PLXDC2: variants seen among roughly 807,000 people sequenced by gnomAD.
PLXDC2 encodes the protein plexin domain-containing protein 2.
PLXDC2 carries 40 observed loss-of-function variants against 68.9 expected under a neutral mutation model. The observed-to-expected ratio is 0.58, with a 90% CI of 0.45 to 0.76. The LOEUF (loss-of-function observed/expected upper bound fraction) is 0.76. Ranked by LOEUF, PLXDC2 falls within the 30% of genes least tolerant of loss-of-function variation. The pLI is 0.00. For synonymous variants in PLXDC2, 243 were observed against 234.2 expected (o/e 1.04, Z -0.34); for missense variants, 644 against 661.9 (o/e 0.97, Z 0.30).
In PLXDC2 at chr10:20,001,557, G is replaced by A. The variant is rs76137660; in HGVS notation, c.113-218G>A. Among the ~76,000 whole-genome samples, 21 of 152,214 alleles carry A rather than the reference G, an allele frequency of 1.4e-4. No homozygotes were observed. In the East Asian group the frequency reaches 3.1e-3, roughly 22 times the overall value. On this transcript the variant is annotated intron_variant, in intron 1 of 13. Coordinates refer to ENST00000377252, the MANE Select transcript of PLXDC2 (RefSeq NM_032812.9). ...TTTAAAAACTCTGCAAGATCTGCCCGTTAACCACTGTCACAACTCCTGGTG... is the reference window on the plus strand; with the variant it reads ...TTTAAAAACTCTGCAAGATCTGCCCATTAACCACTGTCACAACTCCTGGTG...
chr10:20,166,705 A>C (rs1240117905), intron 7 of PLXDC2, among the ~76,000 whole-genome samples: 3 of 152,148 alleles, frequency 2.0e-5, no homozygotes, highest in Middle Eastern at 3.2e-3. Flanking sequence ...TTATTGCTTA[A>C]AGAAAAAAAC....
chr10:20,068,971 G>A (rs1589613868), intron 4 of PLXDC2, among the ~76,000 whole-genome samples: 1 of 152,010 alleles, frequency 6.6e-6, no homozygotes, highest in East Asian at 1.9e-4. Flanking sequence ...ATGATGCAGG[G>A]GTAGGGAAGA....
At chr10:19,922,853 C>G (rs867244739) in intron 1 of PLXDC2, among the ~76,000 whole-genome samples, 8 of 152,220 alleles carry the variant, frequency 5.3e-5, no homozygotes, top group Middle Eastern at 3.4e-3. Context: ...TGAACTATTT[C>G]CTTATTAATA....
intron 1 of PLXDC2, among the ~76,000 whole-genome samples, chr10:19,845,043 C>T (rs746656965): frequency 2.0e-5 from 3 of 152,154 alleles, no homozygotes; most frequent in Admixed American, 6.5e-5. Flanking sequence ...CCCACTGGGA[C>T]ATGACACAGG....
chr10:20,250,470 A>G (rs1835661522), intron 13 of PLXDC2, among the ~76,000 whole-genome samples: 1 of 152,136 alleles, frequency 6.6e-6, no homozygotes, highest in Non-Finnish European at 1.5e-5. Context: ...TTATTACCTC[A>G]TTTAATCCTC....
intron 4 of PLXDC2, among the ~76,000 whole-genome samples, chr10:20,074,906 C>T (rs1836413032): frequency 6.6e-6 from 1 of 151,984 alleles, no homozygotes; most frequent in Non-Finnish European, 1.5e-5. Flanking sequence ...TTATGGTAAT[C>T]TGGAGATCTA....
intron 12 of PLXDC2, among the ~76,000 whole-genome samples, chr10:20,235,173 C>T (rs980616543): frequency 2.6e-5 from 4 of 152,106 alleles, no homozygotes; most frequent in African/African-American, 9.7e-5. Context: ...CTGATCTTGG[C>T]GTTTCCGCTT....
chr10:20,089,442 T>C (rs1833247814), intron 4 of PLXDC2, among the ~76,000 whole-genome samples: 1 of 152,100 alleles, frequency 6.6e-6, no homozygotes, highest in Admixed American at 6.5e-5. Context: ...GTTGAGTAGT[T>C]CAGTGACTTG....
intron 1 of PLXDC2, among the ~76,000 whole-genome samples, chr10:19,845,368 G>A (rs754738711): frequency 3.9e-5 from 6 of 152,136 alleles, no homozygotes; most frequent in Non-Finnish European, 7.3e-5. Context: ...GCAAGCAGGA[G>A]GGGAAGTGTC....
intron 1 of PLXDC2, among the ~76,000 whole-genome samples, chr10:19,876,398 C>T (rs1481576778): frequency 2.6e-5 from 4 of 151,954 alleles, no homozygotes; most frequent in Non-Finnish European, 2.9e-5. Flanking sequence ...TGTATATCTT[C>T]CTCTAAGAAA....
intron 1 of PLXDC2, among the ~76,000 whole-genome samples, chr10:19,862,032 A>T (rs1326241): frequency 0.023 from 3,567 of 152,356 alleles, 133 homozygotes; most frequent in African/African-American, 0.081. Context: ...ATATTTAAAG[A>T]TAAACAATTC....
At chr10:20,167,559 T>A (rs575327756) in intron 7 of PLXDC2, among the ~76,000 whole-genome samples, 9 of 152,282 alleles carry the variant, frequency 5.9e-5, no homozygotes, top group Non-Finnish European at 1.2e-4. Context: ...CTCTGTTAAC[T>A]TTTTTACCCC....
chr10:20,245,344 G>C lies in PLXDC2; in HGVS notation c.1313-1G>C. ...TCCTGACAGCTGGGATGTTCTTTCA[G>C]CTTCTACAGATGACAGTGCAGCTGA... On this transcript the variant is annotated splice_acceptor_variant, in intron 12 of 13. Coordinates refer to ENST00000377252, the MANE Select transcript of PLXDC2 (RefSeq NM_032812.9). LOFTEE classifies it high-confidence loss of function. 1 of 1,607,964 alleles carries C rather than the reference G, an allele frequency of 6.2e-7. No homozygotes were observed. The highest frequency in any genetic ancestry group is 1.1e-5 in the South Asian group (1 of 89,566).
At chr10:20,278,544 A>G (rs1836038707) in intron 13 of PLXDC2, among the ~76,000 whole-genome samples, 1 of 152,084 alleles carries the variant, frequency 6.6e-6, no homozygotes, top group Admixed American at 6.6e-5. Context: ...CAGCAAATAA[A>G]TTTACGGCAT....
intron 1 of PLXDC2, among the ~76,000 whole-genome samples, chr10:19,933,581 C>T (rs1452362041): frequency 2.6e-5 from 4 of 151,812 alleles, no homozygotes; most frequent in South Asian, 4.2e-4. Context: ...TGCAGTGAGC[C>T]GAGATTGAGC....
At chr10:20,170,596 T>A (rs1423693305) in intron 7 of PLXDC2, among the ~76,000 whole-genome samples, 1 of 152,098 alleles carries the variant, frequency 6.6e-6, no homozygotes, top group Non-Finnish European at 1.5e-5. Context: ...AAGCTTAAAT[T>A]TAAAATAATA....
In PLXDC2 at chr10:19,865,245, C is replaced by T. The variant is rs367749038; in HGVS notation, c.112+48054C>T. On this transcript the variant is annotated intron_variant, in intron 1 of 13. Transcript: ENST00000377252. ...CTCTTCACCTGTAGCCAAAGTTAAA[C>T]CTGCACAAGTGGCTTCTCTCCTGGG... Among the ~76,000 whole-genome samples the T allele has an allele frequency of 2.0e-5, 3 of 152,310 alleles. No individual in the cohort carries two copies. The East Asian group carries it at 5.8e-4, about 29-fold the overall frequency.
chr10:20,056,412 C>T (rs1485707864), intron 3 of PLXDC2, among the ~76,000 whole-genome samples: 1 of 152,190 alleles, frequency 6.6e-6, no homozygotes, highest in African/African-American at 2.4e-5. Context: ...GAACCATCTA[C>T]CCCTGTCCTG....
chr10:20,229,597 G>A (rs1456317627), intron 12 of PLXDC2, among the ~76,000 whole-genome samples: 1 of 150,122 alleles, frequency 6.7e-6, no homozygotes, highest in Non-Finnish European at 1.5e-5. Context: ...ATGGCATAAT[G>A]CTTTAAAGAG....
Sources: allele counts gnomAD v4.1 joint callset (sites outside exome capture counted in the v4.1 genomes callset), GRCh38; gene constraint gnomAD v4.1.1; transcripts MANE v1.5; gene names NCBI Gene and HGNC (gene_info 2026-07-23, HGNC 2026-07-21).